LPGAT1: variants seen among roughly 807,000 people sequenced by gnomAD.
LPGAT1 encodes acyl-CoA:lysophosphatidylglycerol acyltransferase 1.
A neutral mutation model predicts 47.5 loss-of-function variants in LPGAT1; 11 were observed. The observed-to-expected ratio is 0.23, with a 90% CI of 0.15 to 0.38. The LOEUF (loss-of-function observed/expected upper bound fraction) is 0.38, where lower values mean the gene tolerates loss of function less well. Ranked by LOEUF, LPGAT1 falls within the 10% of genes least tolerant of loss-of-function variation. The pLI is 1.00. For missense variants in LPGAT1, 293 were observed against 439.0 expected (o/e 0.67, Z 2.97); for synonymous variants, 138 against 144.2 (o/e 0.96, Z 0.31).
intron 4 of LPGAT1, among the ~76,000 whole-genome samples, chr1:211,784,806 T>TTC (rs1658789816): frequency 6.9e-6 from 1 of 145,970 alleles, no homozygotes; most frequent in Non-Finnish European, 1.5e-5. Flanking sequence ...GGTTCTTTCT[T>TTC]TTTTTTTTTT....
At chr1:211,771,138 T>C (rs1658152159) in intron 6 of LPGAT1, among the ~76,000 whole-genome samples, 1 of 151,522 alleles carries the variant, frequency 6.6e-6, no homozygotes, top group African/African-American at 2.4e-5. Flanking sequence ...GTATTTTTAC[T>C]GTACCTTTTC....
chr1:211,792,092 T>A (rs566533636), intron 3 of LPGAT1: 1 of 151,638 alleles, frequency 6.6e-6, no homozygotes, highest in Non-Finnish European at 1.5e-5. Context: ...TAAGCAATAT[T>A]CCCCCAATCT....
In LPGAT1 at chr1:211,744,108, A is replaced by G. The variant is rs951363696; in HGVS notation, c.*5791T>C. On this transcript the variant is annotated 3_prime_UTR_variant, in exon 8 of 8. Coordinates refer to ENST00000366997, the MANE Select transcript of LPGAT1 (RefSeq NM_014873.3). Reference sequence around the variant, plus strand: ...CAAAAGTTCGCTGTGTAGGACTGACATTAATGCTTTTCCTACCCTTTAAAG... The same window carrying G: ...CAAAAGTTCGCTGTGTAGGACTGACGTTAATGCTTTTCCTACCCTTTAAAG... 1 of 152,050 alleles carries G rather than the reference A, an allele frequency of 6.6e-6. No homozygotes were observed. The highest frequency in any genetic ancestry group is 2.4e-5 in the African/African-American group (1 of 41,440). 9.4% of individuals were successfully genotyped at this position (152,050 alleles called of 1,614,324 possible).
At chr1:211,794,847 A>C (rs1464527753) in intron 2 of LPGAT1, among the ~76,000 whole-genome samples, 1 of 152,234 alleles carries the variant, frequency 6.6e-6, no homozygotes, top group Non-Finnish European at 1.5e-5. Context: ...TATATTTCAA[A>C]ATTAATAAAT....
intron 2 of LPGAT1, among the ~76,000 whole-genome samples, chr1:211,800,299 G>T (rs112797304): frequency 6.6e-6 from 1 of 151,326 alleles, no homozygotes; most frequent in African/African-American, 2.4e-5. Context: ...GGGATTACAC[G>T]TGTGAGCCAC....
rs190685388 is a variant in LPGAT1, at chr1:211,784,413, C to T, written c.454-911G>A. Among the ~76,000 whole-genome samples, 423 of 151,336 alleles carry T rather than the reference C, an allele frequency of 2.8e-3. 3 individuals carry two copies. Among genetic ancestry groups the T allele is most frequent in the Non-Finnish European group, 4.3e-3 (295 of 67,902 alleles). Reference sequence around the variant, plus strand: ...GGCTGAGGCAGGAGGATCACTTGTGCCCACAAGTTCGAGGATGCAGTGAGC... The same window carrying T: ...GGCTGAGGCAGGAGGATCACTTGTGTCCACAAGTTCGAGGATGCAGTGAGC... On this transcript the variant is annotated intron_variant, in intron 4 of 7. Transcript: ENST00000366997.
At chr1:211,826,974 T>C (rs1354244995) in intron 2 of LPGAT1, among the ~76,000 whole-genome samples, 1 of 152,230 alleles carries the variant, frequency 6.6e-6, no homozygotes, top group East Asian at 1.9e-4. Context: ...CATTATTTTA[T>C]GGGTACACCT....
chr1:211,744,696 C>A lies in LPGAT1; in HGVS notation c.*5203G>T, dbSNP rs1656871336. 6.6e-6 allele frequency: 1 copy of A among 152,132 alleles called. No homozygotes were observed. The highest frequency in any genetic ancestry group is 2.4e-5 in the African/African-American group (1 of 41,424). The allele number at this position is 152,132 out of a possible 1,614,324, so 9.4% of individuals were successfully genotyped here. ...TTGTGTTATATGTTCTTGCTATCAG[C>A]AAAATTTATAACAAACATGTATAGT... On this transcript the variant is annotated 3_prime_UTR_variant, in exon 8 of 8. Transcript: ENST00000366997.
intron 2 of LPGAT1, among the ~76,000 whole-genome samples, chr1:211,803,389 C>T (rs1355727306): frequency 3.3e-5 from 5 of 152,136 alleles, no homozygotes; most frequent in African/African-American, 7.2e-5. Flanking sequence ...ATCAGGATGT[C>T]GGCTGTATAC....
chr1:211,826,638 T>C (rs1660551683), intron 2 of LPGAT1, among the ~76,000 whole-genome samples: 1 of 150,818 alleles, frequency 6.6e-6, no homozygotes, highest in Non-Finnish European at 1.5e-5. Flanking sequence ...TTCACTCATA[T>C]TACACGGAAT....
At chr1:211,829,013 GACAA>G (rs1235432696) in intron 2 of LPGAT1, 42 bp downstream of exon 2, 7 of 1,596,510 alleles carry the variant, frequency 4.4e-6, no homozygotes, top group Non-Finnish European at 6.0e-6. Flanking sequence ...CATGGTTCCT[GACAA>G]ATTTTTTCTT....
rs143809263 is a variant in LPGAT1, at chr1:211,757,503, C to T, written c.855-6436G>A. Among the ~76,000 whole-genome samples the T allele has an allele frequency of 1.0e-3, 157 of 152,236 alleles. 1 individual carries two copies. The highest frequency in any genetic ancestry group is 3.5e-3 in the African/African-American group (145 of 41,540). On this transcript the variant is annotated intron_variant, in intron 6 of 7. Transcript: ENST00000366997. The stretch of plus-strand genomic sequence containing the variant: ...AGTATTGGTTGTGCTGATTAAGTGC[C>T]AGATCATTTAAGGTCAGCATTATTG...
intron 2 of LPGAT1, among the ~76,000 whole-genome samples, chr1:211,823,214 A>T (rs1023352392): frequency 2.0e-5 from 3 of 152,170 alleles, no homozygotes; most frequent in Non-Finnish European, 4.4e-5. Flanking sequence ...CAATTTCAAC[A>T]TCTATAACAA....
At chr1:211,761,443 T>C (rs564509172) in intron 6 of LPGAT1, among the ~76,000 whole-genome samples, 1 of 152,202 alleles carries the variant, frequency 6.6e-6, no homozygotes, top group Non-Finnish European at 1.5e-5. Context: ...TAAAGAGGGA[T>C]TACAAGAAAA....
At chr1:211,797,125 A>G (rs1445300531) in intron 2 of LPGAT1, among the ~76,000 whole-genome samples, 4 of 152,068 alleles carry the variant, frequency 2.6e-5, no homozygotes, top group African/African-American at 9.7e-5. Context: ...GTGTGGTGGC[A>G]TATGTCCGCA....
Position 211,784,970 on chromosome 1 carries a change from A to AT in LPGAT1, c.454-1469dup, listed in dbSNP as rs1292021946. Among the ~76,000 whole-genome samples, 113 of 151,490 alleles carry AT rather than the reference A, an allele frequency of 7.5e-4. 1 individual carries two copies. Among genetic ancestry groups the AT allele is most frequent in the Non-Finnish European group, 5.2e-4 (35 of 67,864 alleles). ...AGGCGCCTGCCACCACACCCGGCTA[A>AT]TTTTTTTTGTTTTTAGTAGAGATGG... On this transcript the variant is annotated intron_variant, in intron 4 of 7. Coordinates refer to ENST00000366997, the MANE Select transcript of LPGAT1 (RefSeq NM_014873.3).
chr1:211,793,625 G>C (rs998011525), intron 2 of LPGAT1, among the ~76,000 whole-genome samples: 3 of 151,986 alleles, frequency 2.0e-5, no homozygotes, highest in Non-Finnish European at 4.4e-5. Context: ...TAGAGATGGG[G>C]TTTCACCATA....
chr1:211,793,830 A>G (rs989417986), intron 2 of LPGAT1, among the ~76,000 whole-genome samples: 2 of 152,236 alleles, frequency 1.3e-5, no homozygotes, highest in African/African-American at 4.8e-5. Context: ...AATGTTTATC[A>G]CAACTTAAAT....
chr1:211,792,613 A>T (rs1659168964), intron 3 of LPGAT1, among the ~76,000 whole-genome samples: 2 of 138,204 alleles, frequency 1.4e-5, no homozygotes, highest in African/African-American at 2.8e-5. Flanking sequence ...AGAATGATAT[A>T]TTTTTTCTTT....
Sources: gnomAD v4.1 joint callset for allele counts (sites outside exome capture counted in the v4.1 genomes callset) on GRCh38, gnomAD v4.1.1 for gene constraint, MANE v1.5 for transcripts, NCBI Gene and HGNC (gene_info 2026-07-23, HGNC 2026-07-21) for gene names.